HEATR4: variants seen among roughly 807,000 people sequenced by gnomAD.
HEATR4 encodes the protein HEAT repeat-containing protein 4.
In HEATR4, 95 loss-of-function variants were observed where a neutral mutation model predicts 108.8. That is an observed-to-expected ratio of 0.87 (90% CI 0.74 to 1.04). The LOEUF (loss-of-function observed/expected upper bound fraction) is 1.04. Among genes scored for constraint, HEATR4 ranks in the 50% least tolerant of loss-of-function variants. The pLI is 0.00. For synonymous variants in HEATR4, 443 were observed against 459.4 expected (o/e 0.96, Z 0.46); for missense variants, 1,152 against 1,253.8 (o/e 0.92, Z 1.23).
rs544850818 is a variant in HEATR4, at chr14:73,510,887, G to T, written c.1558+1119C>A. ...TAGACACAATTCTAGGGTCCACAAAGGGCCTGCCTGTTATAAGTTACAGTA... is the reference window on the plus strand; with the variant it reads ...TAGACACAATTCTAGGGTCCACAAATGGCCTGCCTGTTATAAGTTACAGTA... On this transcript the variant is annotated intron_variant, in intron 7 of 17. Coordinates refer to ENST00000553558, the MANE Select transcript of HEATR4 (RefSeq NM_001220484.1). Among the ~76,000 whole-genome samples the T allele has an allele frequency of 6.6e-5, 10 of 152,266 alleles. No individual in the cohort carries two copies. The South Asian group carries it at 1.2e-3, about 19-fold the overall frequency.
chr14:73,486,474 G>A (rs1885457814), intron 17 of HEATR4, among the ~76,000 whole-genome samples: 1 of 152,050 alleles, frequency 6.6e-6, no homozygotes, highest in Non-Finnish European at 1.5e-5. Context: ...GAGGCAGGTG[G>A]CTTGCCTGAG....
the HEATR4 span, chr14:73,617,255 C>T: frequency 6.3e-7 from 1 of 1,596,138 alleles, no homozygotes. Flanking sequence ...GGGCTGAATC[C>T]AAAAGCCCTG....
At chr14:73,569,655 C>G in the HEATR4 span, 5 of 1,605,898 alleles carry the variant, frequency 3.1e-6, no homozygotes, top group Admixed American at 3.4e-5. Flanking sequence ...GGGGCTTGAG[C>G]CCATGGGGCT....
chr14:73,520,768 C>T, intron 4 of HEATR4, 84 bp downstream of exon 4: 1 of 1,310,786 alleles, frequency 7.6e-7, no homozygotes, highest in East Asian at 2.3e-5. Context: ...TCCATACCCA[C>T]AACTGTTTCC....
At position 73,491,647 on chromosome 14, in the gene HEATR4, C is replaced by G. The variant is rs1287892969; in HGVS notation, c.2844+1419G>C. The G allele has an allele frequency of 1.9e-6, 3 of 1,549,676 alleles. No homozygotes were observed. The South Asian group carries it at 3.6e-5, about 18-fold the overall frequency. ...CGGCCCGCCTCTTTGAGTGGCTCAT[C>G]GCGCCCATGCCGCCAGATCACTTTT... On this transcript the variant is annotated intron_variant, in intron 17 of 17. Coordinates refer to ENST00000553558, the MANE Select transcript of HEATR4 (RefSeq NM_001220484.1).
upstream of HEATR4, among the ~76,000 whole-genome samples, chr14:73,562,766 T>C (rs913362301): frequency 6.6e-6 from 1 of 152,024 alleles, no homozygotes; most frequent in South Asian, 2.1e-4. Flanking sequence ...TTACTAGGGT[T>C]GGGAAAACTC....
At position 73,501,569 on chromosome 14, in the gene HEATR4, C is replaced by CTTT. The variant is rs1204245183; in HGVS notation, c.2106-842_2106-840dup. Among the ~76,000 whole-genome samples, 755 of 108,132 alleles carry CTTT rather than the reference C, an allele frequency of 7.0e-3. 21 individuals carry two copies. The highest frequency in any genetic ancestry group is 0.025 in the African/African-American group (713 of 28,412). 70.9% of individuals were successfully genotyped at this position (108,132 alleles called of 152,430 possible). On this transcript the variant is annotated intron_variant, in intron 11 of 17. Transcript: ENST00000553558. ...TGCGGCTCCTATGCAGTCTCTCTCTCTTTTTTTTTTTTTTTTTTTTTTGAG... is the reference window on the plus strand; with the variant it reads ...TGCGGCTCCTATGCAGTCTCTCTCTCTTTTTTTTTTTTTTTTTTTTTTTTTGAG...
chr14:73,485,882 A>AG (rs1885431986), intron 17 of HEATR4, among the ~76,000 whole-genome samples: 1 of 147,596 alleles, frequency 6.8e-6, no homozygotes, highest in African/African-American at 2.5e-5. Context: ...AAAAAAAAAA[A>AG]TGCTGATTTT....
At position 73,523,078 on chromosome 14, in the gene HEATR4, C is replaced by T; in HGVS notation, c.75G>A (p.Trp25Ter). 1 of 1,613,072 alleles carries T rather than the reference C, an allele frequency of 6.2e-7. No individual in the cohort carries two copies. Among genetic ancestry groups the T allele is most frequent in the Non-Finnish European group, 8.5e-7 (1 of 1,180,010 alleles). Reference protein sequence around the residue: ...FYQSLPPRLGWGMILNYSKLK... With the variant: ...FYQSLPPRLG ...ATTTTGAGTAGTTTAAAATCATGCC[C>T]CATCCCAGTCGTGGGGGCAGTGACT... The change falls in exon 3 of 18, where the codon TGG becomes TGA. Residue 25 changes from tryptophan (W) to a stop codon, truncating the protein, a stop_gained. Coordinates refer to ENST00000553558, the MANE Select transcript of HEATR4 (RefSeq NM_001220484.1). LOFTEE classifies it high-confidence loss of function.
chr14:73,521,047 G>A lies in HEATR4; in HGVS notation c.882-8C>T. ...TGGAAGTAACTGGGCAATCTTGGCA[G>A]GGGTGAGAAAGGAGGGAAAAGGGGG... On this transcript the variant is annotated splice_region_variant and splice_polypyrimidine_tract_variant and intron_variant, in intron 3 of 17. Transcript: ENST00000553558. The A allele has an allele frequency of 6.2e-7, 1 of 1,611,968 alleles. No homozygotes were observed. Among genetic ancestry groups the A allele is most frequent in the Non-Finnish European group, 8.5e-7 (1 of 1,178,538 alleles).
At chr14:73,632,843 C>CA in the HEATR4 span, among the ~76,000 whole-genome samples, 972 of 109,056 alleles carry the variant, frequency 8.9e-3, 16 homozygotes, top group African/African-American at 0.017. Flanking sequence ...GACCCTGTCT[C>CA]AAAAAAAAAA....
At position 73,556,877 on chromosome 14, in the gene HEATR4, C is replaced by T. The variant is rs758686419; in HGVS notation, c.-152+1874G>A. ...CTACAGTTAGATGCACTGGGCGCTT[C>T]GGGAAGAATTTAGGGCTATGGGGTA... is the stretch of plus-strand genomic sequence containing the variant. On this transcript the variant is annotated intron_variant, in intron 1 of 17. Coordinates refer to ENST00000553558, the MANE Select transcript of HEATR4 (RefSeq NM_001220484.1). Among the ~76,000 whole-genome samples the T allele has an allele frequency of 3.3e-4, 37 of 113,286 alleles. 13 individuals carry two copies. Among genetic ancestry groups the T allele is most frequent in the Non-Finnish European group, 6.6e-4 (34 of 51,822 alleles). 74.3% of individuals were successfully genotyped at this position (113,286 alleles called of 152,430 possible).
chr14:73,526,709 C>T (rs1888361861), intron 2 of HEATR4, among the ~76,000 whole-genome samples: 1 of 152,210 alleles, frequency 6.6e-6, no homozygotes. Context: ...ATCCACTGCT[C>T]TGATGGGTCA....
chr14:73,615,438 A>G, the HEATR4 span, among the ~76,000 whole-genome samples: 3 of 150,908 alleles, frequency 2.0e-5, no homozygotes, highest in African/African-American at 7.3e-5. Flanking sequence ...CAACAACGAA[A>G]AAAAAAACAA....
Position 73,547,338 on chromosome 14 carries a change from G to A in HEATR4, c.-152+11413C>T, listed in dbSNP as rs1157727079. ...GGAGGTTGCAGAGAGCCAAGATCGT[G>A]CCACTGCACGCCAGCCTGGGCAAAA... On this transcript the variant is annotated intron_variant, in intron 1 of 17. Coordinates refer to ENST00000553558, the MANE Select transcript of HEATR4 (RefSeq NM_001220484.1). 1.7e-5 allele frequency among the ~76,000 whole-genome samples: 2 copies of A among 116,080 alleles called. 1 individual carries two copies. Among genetic ancestry groups the A allele is most frequent in the Non-Finnish European group, 3.8e-5 (2 of 52,994 alleles). 76.2% of individuals were successfully genotyped at this position (116,080 alleles called of 152,430 possible).
rs778510534 is a variant in HEATR4, at chr14:73,522,886, G to C, written c.267C>G (p.Ser89Arg). 6.8e-6 allele frequency: 11 copies of C among 1,614,192 alleles called. No homozygotes were observed. The highest frequency in any genetic ancestry group is 9.3e-6 in the Non-Finnish European group (11 of 1,180,028). ...WQRGLPSIPYSQYSFDHLYNT... is the reference protein window; with the variant it reads ...WQRGLPSIPYRQYSFDHLYNT... ...TGTAGAGGTGGTCAAAGCTGTACTG[G>C]CTATAAGGAATGCTGGGCAGGCCTC... is the stretch of plus-strand genomic sequence containing the variant. The change falls in exon 3 of 18, where the codon AGC becomes AGG. Residue 89 changes from serine to arginine, a missense_variant. Ser to Arg is a moderately radical substitution (Grantham distance 110). Transcript: ENST00000553558.
intron 1 of HEATR4, among the ~76,000 whole-genome samples, chr14:73,551,013 C>T (rs1375999251): frequency 8.8e-6 from 1 of 113,600 alleles, no homozygotes; most frequent in African/African-American, 2.9e-5. Flanking sequence ...AAAAATTAGC[C>T]GAGTGTGGTG....
chr14:73,561,188 A>T (rs183074618), upstream of HEATR4, among the ~76,000 whole-genome samples: 1,042 of 151,836 alleles, frequency 6.9e-3, 17 homozygotes, highest in African/African-American at 0.024. Flanking sequence ...CAACATGGTG[A>T]AACTCCATCT....
the HEATR4 span, among the ~76,000 whole-genome samples, chr14:73,630,398 C>A: frequency 6.6e-6 from 1 of 152,214 alleles, no homozygotes; most frequent in East Asian, 1.9e-4. Context: ...CTGCCTGTTG[C>A]AACGTTCTCG....
Sources: allele counts gnomAD v4.1 joint callset (sites outside exome capture counted in the v4.1 genomes callset), GRCh38; gene constraint gnomAD v4.1.1; transcripts MANE v1.5; gene names NCBI Gene and HGNC (gene_info 2026-07-23, HGNC 2026-07-21).